Variants in NUMB observed in about 807,000 individuals in gnomAD.
The protein encoded by NUMB is protein numb homolog.
In NUMB, 29 loss-of-function variants were observed where a neutral mutation model predicts 59.7. That is an observed-to-expected ratio of 0.49 (90% CI 0.36 to 0.66). NUMB has a LOEUF of 0.66. NUMB is among the 30% of genes least tolerant of loss of function. NUMB has a pLI of 0.00. For missense variants in NUMB, 723 were observed against 822.0 expected, an observed-to-expected ratio of 0.88 and a Z score of 1.47; for synonymous variants, 288 against 288.2, an observed-to-expected ratio of 1.00 and a Z score of 0.01.
chr14:73,297,774 C>T (rs1221303372), intron 6 of NUMB: 1 of 152,544 alleles, frequency 6.6e-6, no homozygotes, highest in African/African-American at 2.4e-5. Context: ...ATAGCAGGAC[C>T]CTTGGTCACC....
At chr14:73,396,295 T>G (rs1486609320) in intron 2 of NUMB, among the ~76,000 whole-genome samples, 1 of 150,986 alleles carries the variant, frequency 6.6e-6, no homozygotes, top group Non-Finnish European at 1.5e-5. Flanking sequence ...ATCTATCTAA[T>G]CTATCTATTT....
intron 8 of NUMB, 76 bp downstream of exon 8, chr14:73,292,658 G>T: frequency 6.8e-7 from 1 of 1,479,492 alleles, no homozygotes; most frequent in Non-Finnish European, 9.3e-7. Context: ...AGTAGAAACC[G>T]CTTGGCTGAG....
intron 4 of NUMB, among the ~76,000 whole-genome samples, chr14:73,353,020 TA>T (rs1166284591): frequency 6.8e-6 from 1 of 146,284 alleles, no homozygotes; most frequent in African/African-American, 2.5e-5. Flanking sequence ...TACCTTACTT[TA>T]AAAAAATAAA....
chr14:73,387,803 T>C (rs1026228494), intron 2 of NUMB, among the ~76,000 whole-genome samples: 1 of 151,868 alleles, frequency 6.6e-6, no homozygotes, highest in African/African-American at 2.4e-5. Context: ...GTAGCTATTT[T>C]GATTTAAATT....
At chr14:73,327,637 C>G (rs534384989) in intron 4 of NUMB, among the ~76,000 whole-genome samples, 2 of 151,820 alleles carry the variant, frequency 1.3e-5, no homozygotes, top group Admixed American at 6.6e-5. Context: ...CATTATTGAG[C>G]AAAACTAAAA....
At chr14:73,384,743 T>TTTGA (rs1895415845) in intron 2 of NUMB, among the ~76,000 whole-genome samples, 1 of 151,538 alleles carries the variant, frequency 6.6e-6, no homozygotes, top group African/African-American at 2.4e-5. Context: ...TTTTTGTTTG[T>TTTGA]TTGTTTGTTT....
chr14:73,403,502 C>T (rs1049929060), intron 2 of NUMB, among the ~76,000 whole-genome samples: 8 of 152,204 alleles, frequency 5.3e-5, no homozygotes, highest in African/African-American at 1.9e-4. Context: ...GCTCAGGAAG[C>T]TGTGAGAAGC....
At chr14:73,375,242 G>T (rs79222289) in intron 2 of NUMB, among the ~76,000 whole-genome samples, 3,334 of 152,228 alleles carry the variant, frequency 0.022, 44 homozygotes, top group Middle Eastern at 0.065. Context: ...CCCAAGTACA[G>T]AATTTTATAA....
intron 1 of NUMB, among the ~76,000 whole-genome samples, chr14:73,449,299 T>C (rs188151600): frequency 3.9e-5 from 6 of 152,260 alleles, no homozygotes; most frequent in East Asian, 1.9e-4. Context: ...TTTTGGTATA[T>C]TGGGGTCCTG....
At chr14:73,426,155 T>C (rs1379123249) in intron 1 of NUMB, among the ~76,000 whole-genome samples, 1 of 152,090 alleles carries the variant, frequency 6.6e-6, no homozygotes, top group Non-Finnish European at 1.5e-5. Flanking sequence ...GAAGGCAAGA[T>C]TTGAAATCTT....
At chr14:73,307,572 AG>A (rs2139876202) in intron 6 of NUMB, among the ~76,000 whole-genome samples, 1 of 152,162 alleles carries the variant, frequency 6.6e-6, no homozygotes, top group East Asian at 1.9e-4. Flanking sequence ...GCTGGAACAG[AG>A]GGAGCAAGAG....
chr14:73,376,181 A>C (rs1894935273), intron 2 of NUMB, among the ~76,000 whole-genome samples: 1 of 152,204 alleles, frequency 6.6e-6, no homozygotes, highest in Non-Finnish European at 1.5e-5. Context: ...AAACTTCCAG[A>C]ATTAATAAGC....
At chr14:73,291,217 A>G (rs10146612) in intron 8 of NUMB, among the ~76,000 whole-genome samples, 38,074 of 150,178 alleles carry the variant, frequency 0.25, 5,613 homozygotes, top group East Asian at 0.68. Flanking sequence ...AATAACTGGG[A>G]TTACAAGCAC....
At chr14:73,292,638 T>C (rs1424371956) in intron 8 of NUMB, 96 bp downstream of exon 8, 56 of 1,247,720 alleles carry the variant, frequency 4.5e-5, no homozygotes, top group Non-Finnish European at 6.1e-5. Flanking sequence ...CAAGTACTTG[T>C]TAAAAATGTA....
chr14:73,443,019 T>C (rs148256467), intron 1 of NUMB, among the ~76,000 whole-genome samples: 207 of 152,206 alleles, frequency 1.4e-3, no homozygotes, highest in Non-Finnish European at 2.5e-3. Flanking sequence ...CATGCCTCCA[T>C]GACTGGCTAA....
chr14:73,309,718 T>TATTATAATAATA (rs1890660775), intron 6 of NUMB, among the ~76,000 whole-genome samples: 1 of 137,232 alleles, frequency 7.3e-6, no homozygotes, highest in Non-Finnish European at 1.5e-5. Flanking sequence ...GAACTTAAGG[T>TATTATAATAATA]ATAATAATAA....
intron 2 of NUMB, among the ~76,000 whole-genome samples, chr14:73,394,422 AAG>A (rs1259771213): frequency 1.4e-5 from 2 of 147,770 alleles, no homozygotes; most frequent in Non-Finnish European, 3.0e-5. Context: ...AAAAAAAAAA[AAG>A]AGAGAGAGAT....
At chr14:73,325,409 A>G (rs1476517110) in intron 4 of NUMB, among the ~76,000 whole-genome samples, 1 of 152,052 alleles carries the variant, frequency 6.6e-6, no homozygotes, top group Non-Finnish European at 1.5e-5. Flanking sequence ...AGCTATGATC[A>G]CACCACAGCA....
chr14:73,368,538 G>A (rs1894499247), intron 2 of NUMB, among the ~76,000 whole-genome samples: 2 of 151,488 alleles, frequency 1.3e-5, no homozygotes, highest in African/African-American at 2.4e-5. Context: ...AGCCGAGATC[G>A]CGCCATTGCA....
Sources: gnomAD v4.1 joint callset for allele counts (sites outside exome capture counted in the v4.1 genomes callset) on GRCh38, gnomAD v4.1.1 for gene constraint, MANE v1.5 for transcripts, NCBI Gene and HGNC (gene_info 2026-07-23, HGNC 2026-07-21) for gene names.